Variants in MSH3 observed in about 807,000 individuals in gnomAD.
MSH3 encodes the protein mutS homolog 3.
In MSH3, 106 loss-of-function variants were observed where a neutral mutation model predicts 123.3. The observed-to-expected ratio is 0.86, with a 90% CI of 0.73 to 1.01. The LOEUF is 1.01. Ranked by LOEUF, MSH3 falls within the 50% of genes least tolerant of loss-of-function variation. The pLI is 0.00. For synonymous variants in MSH3, 515 were observed against 481.4 expected (o/e 1.07, Z -0.91); for missense variants, 1,459 against 1,347.6 (o/e 1.08, Z -1.29).
At chr5:80,736,931 T>G (rs750770438) in intron 10 of MSH3, among the ~76,000 whole-genome samples, 4 of 152,198 alleles carry the variant, frequency 2.6e-5, no homozygotes, top group African/African-American at 4.8e-5. Context: ...TAGTAAGTCA[T>G]AGCTGTTAGT....
intron 18 of MSH3, among the ~76,000 whole-genome samples, chr5:80,789,876 A>G (rs1744579062): frequency 6.6e-6 from 1 of 152,256 alleles, no homozygotes; most frequent in Non-Finnish European, 1.5e-5. Flanking sequence ...TGAATCACCA[A>G]GAAACTGATG....
chr5:80,719,343 GC>G, intron 8 of MSH3, among the ~76,000 whole-genome samples: 1 of 152,280 alleles, frequency 6.6e-6, no homozygotes, highest in South Asian at 2.1e-4. Flanking sequence ...ACTGTACCCG[GC>G]CAGGAAATGG....
intron 15 of MSH3, among the ~76,000 whole-genome samples, chr5:80,772,978 G>A (rs1397207008): frequency 1.3e-5 from 2 of 152,144 alleles, no homozygotes; most frequent in East Asian, 3.9e-4. Flanking sequence ...CACTGTATTG[G>A]CTCTGTGTAT....
At chr5:80,706,474 T>A (rs529817176) in intron 8 of MSH3, among the ~76,000 whole-genome samples, 3 of 152,232 alleles carry the variant, frequency 2.0e-5, no homozygotes, top group Non-Finnish European at 4.4e-5. Context: ...TTGCTTTTTC[T>A]CAAAGGCAAA....
intron 12 of MSH3, among the ~76,000 whole-genome samples, chr5:80,752,224 A>G (rs1363201877): frequency 6.6e-6 from 1 of 152,022 alleles, no homozygotes; most frequent in Non-Finnish European, 1.5e-5. Flanking sequence ...AAAGTAGCCA[A>G]GGTGGAATGG....
chr5:80,769,438 A>G (rs936145397), intron 15 of MSH3, among the ~76,000 whole-genome samples: 1 of 152,068 alleles, frequency 6.6e-6, no homozygotes, highest in Non-Finnish European at 1.5e-5. Context: ...AGCTGCTAAA[A>G]AAAACAAGTC....
chr5:80,670,732 A>G (rs1192677756), intron 4 of MSH3, among the ~76,000 whole-genome samples: 1 of 152,210 alleles, frequency 6.6e-6, no homozygotes, highest in South Asian at 2.1e-4. Context: ...TTAAGTCTCA[A>G]TGGAAGAACA....
At chr5:80,676,866 A>G (rs1418186986) in intron 7 of MSH3, among the ~76,000 whole-genome samples, 1 of 152,226 alleles carries the variant, frequency 6.6e-6, no homozygotes, top group African/African-American at 2.4e-5. Flanking sequence ...TACTTAGTGC[A>G]TTTAGAAATA....
intron 20 of MSH3, among the ~76,000 whole-genome samples, chr5:80,820,862 A>G (rs1745193015): frequency 6.6e-6 from 1 of 152,190 alleles, no homozygotes; most frequent in Non-Finnish European, 1.5e-5. Flanking sequence ...GTACCAGTGC[A>G]CCTTTGTGAT....
intron 15 of MSH3, among the ~76,000 whole-genome samples, chr5:80,774,406 C>CAA (rs201125276): frequency 4.7e-4 from 57 of 121,840 alleles, no homozygotes; most frequent in South Asian, 2.1e-3. Flanking sequence ...GGAGGTCCCT[C>CAA]AAAAAAAAAA....
At chr5:80,811,056 C>T (rs13154537) in intron 19 of MSH3, among the ~76,000 whole-genome samples, 20,400 of 151,710 alleles carry the variant, frequency 0.13, 1,406 homozygotes, top group East Asian at 0.24. Flanking sequence ...AAATTGGAAA[C>T]ACTTCTGTCC....
At chr5:80,752,225 G>A (rs2112874084) in intron 12 of MSH3, among the ~76,000 whole-genome samples, 1 of 151,916 alleles carries the variant, frequency 6.6e-6, no homozygotes, top group East Asian at 1.9e-4. Flanking sequence ...AAGTAGCCAA[G>A]GTGGAATGGG....
chr5:80,743,560 CCCGGCCGGGCGCGG>C (rs1743655741), intron 11 of MSH3, among the ~76,000 whole-genome samples: 1 of 62,680 alleles, frequency 1.6e-5, no homozygotes, highest in African/African-American at 5.9e-5. Flanking sequence ...ATTAAAAAAA[CCCGGCCGGGCGCGG>C]TGGCTCACGC....
chr5:80,812,760 T>C (rs747801052), intron 19 of MSH3, among the ~76,000 whole-genome samples: 163 of 152,152 alleles, frequency 1.1e-3, no homozygotes, highest in Admixed American at 1.9e-3. Flanking sequence ...GGTTTTGCCA[T>C]GTTGGCCAGC....
rs1272336955 is a variant in MSH3 at position 80,658,907 on chromosome 5, T to G, written c.358+2376T>G. 2.6e-5 allele frequency among the ~76,000 whole-genome samples: 4 copies of G among 152,324 alleles called. No homozygotes were observed. The East Asian group carries it at 7.7e-4, about 29-fold the overall frequency. On this transcript the variant is annotated intron_variant, in intron 2 of 23. Transcript: ENST00000265081. Reference sequence around the variant, plus strand: ...CCATCATACCTGGCAAGTTTTTTGTTTTTGTTTTTTTCTAATAACAGAATT... The same window carrying G: ...CCATCATACCTGGCAAGTTTTTTGTGTTTGTTTTTTTCTAATAACAGAATT...
At chr5:80,757,161 T>G (rs1473115228) in intron 12 of MSH3, among the ~76,000 whole-genome samples, 1 of 151,840 alleles carries the variant, frequency 6.6e-6, no homozygotes, top group Admixed American at 6.6e-5. Context: ...AGGCATACAA[T>G]GTATAATAAT....
At position 80,654,862 on chromosome 5, in the gene MSH3, C is replaced by T. The variant is rs972547684; in HGVS notation, c.135C>T (p.Asp45=). The T allele has an allele frequency of 3.1e-6, 5 of 1,599,648 alleles. No homozygotes were observed. The highest frequency in any genetic ancestry group is 1.1e-5 in the South Asian group (1 of 90,250). ...CCTCCTCCTCCACAGGTGCAGCCGA[C>T]CAGGTGGACCCTGGCGCTGCAGCGG... ...KSTSSSTGAA[D]QVDPGAAAAA... Residue 45 remains aspartate (D), a synonymous_variant, in exon 1 of 24, where the codon GAC becomes GAT. Transcript: ENST00000265081.
intron 10 of MSH3, among the ~76,000 whole-genome samples, chr5:80,738,373 TC>T (rs1737733370): frequency 6.6e-6 from 1 of 152,200 alleles, no homozygotes; most frequent in South Asian, 2.1e-4. Context: ...TTTTTGGTAT[TC>T]CGACAGTACC....
At chr5:80,867,845 C>G (rs1474559669) in intron 22 of MSH3, among the ~76,000 whole-genome samples, 1 of 152,090 alleles carries the variant, frequency 6.6e-6, no homozygotes, top group African/African-American at 2.4e-5. Context: ...GCATAGTTTG[C>G]AAACATTTTC....
Sources: allele counts gnomAD v4.1 joint callset (sites outside exome capture counted in the v4.1 genomes callset), GRCh38; gene constraint gnomAD v4.1.1; transcripts MANE v1.5; gene names NCBI Gene and HGNC (gene_info 2026-07-23, HGNC 2026-07-21).